The following ARPC1B variants were observed in gnomAD, a reference collection of about 807,000 sequenced individuals.
ARPC1B encodes actin related protein 2/3 complex subunit 1B, also known as actin-related protein 2/3 complex subunit 1B.
Under a neutral mutation model 46.0 loss-of-function variants are expected in ARPC1B, and 29 were observed. The ratio of observed to expected loss-of-function variants is 0.63; its 90% confidence interval spans 0.47 to 0.86. The LOEUF (loss-of-function observed/expected upper bound fraction) is 0.86. Ranked by LOEUF, ARPC1B falls within the 40% of genes least tolerant of loss-of-function variation. The probability of loss-of-function intolerance (pLI) is 0.00; values close to 1 mark genes in which losing one functional copy is unlikely to be tolerated. For synonymous variants in ARPC1B, 201 were observed against 213.9 expected, an observed-to-expected ratio of 0.94 and a Z score of 0.53; for missense variants, 469 against 529.4, an observed-to-expected ratio of 0.89 and a Z score of 1.12.
intron 1 of ARPC1B, among the ~76,000 whole-genome samples, chr7:99,381,239 C>G (rs1386060139): frequency 6.6e-6 from 1 of 152,202 alleles, no homozygotes; most frequent in Non-Finnish European, 1.5e-5. Flanking sequence ...TAAGGCTGCC[C>G]ACACGTGCAA....
chr7:99,385,280 C>T (rs1794350902), intron 1 of ARPC1B, among the ~76,000 whole-genome samples: 1 of 130,878 alleles, frequency 7.6e-6, no homozygotes, highest in Non-Finnish European at 1.6e-5. Context: ...TTCATCCCAT[C>T]CTTAATGGGG....
At position 99,392,735 on chromosome 7, in the gene ARPC1B, G is replaced by A; in HGVS notation, c.848G>A (p.Gly283Glu). 1 of 1,548,420 alleles carries A rather than the reference G, an allele frequency of 6.5e-7. No individual in the cohort carries two copies. The highest frequency in any genetic ancestry group is 8.7e-7 in the Non-Finnish European group (1 of 1,145,632). Residue 283 changes from glycine (G) to glutamate (E), a missense_variant, in exon 8 of 10, where the codon GGG becomes GAG. Coordinates refer to ENST00000646101, the MANE Select transcript of ARPC1B (RefSeq NM_005720.4). ...DAAAGMLSFG[G>E]RLDVPKQSSQ... ...GCCGCGGGGATGCTGAGCTTCGGCG[G>A]GCGGCTGGACGTTCCTAAGCAGAGC...
At chr7:99,392,899 C>T (rs1196891156) in intron 8 of ARPC1B, 23 bp downstream of exon 8, 2 of 1,519,420 alleles carry the variant, frequency 1.3e-6, no homozygotes, top group Middle Eastern at 1.8e-4. Context: ...GCCGGGCCGG[C>T]GGGTGGGCGG....
At chr7:99,393,077 G>A (rs1015050763) in intron 8 of ARPC1B, among the ~76,000 whole-genome samples, 1 of 152,102 alleles carries the variant, frequency 6.6e-6, no homozygotes, top group Non-Finnish European at 1.5e-5. Context: ...CGGACACGAG[G>A]GGACGGGGCC....
rs555649520 is a variant in ARPC1B at position 99,383,584 on chromosome 7, G to A, written c.-13-2118G>A. Among the ~76,000 whole-genome samples, 9 of 152,322 alleles carry A rather than the reference G, an allele frequency of 5.9e-5. No homozygotes were observed. The South Asian group carries it at 1.9e-3, about 32-fold the overall frequency. Reference sequence around the variant, plus strand: ...TGCTGAGAAAATTTAATCGGAAATAGGGAATTACGAAGTGCCGGACCGTGG... The same window carrying A: ...TGCTGAGAAAATTTAATCGGAAATAAGGAATTACGAAGTGCCGGACCGTGG... On this transcript the variant is annotated intron_variant, in intron 1 of 9. Transcript: ENST00000646101.
intron 1 of ARPC1B, chr7:99,384,055 C>T (rs1794305476): frequency 6.6e-6 from 1 of 152,406 alleles, no homozygotes; most frequent in African/African-American, 2.4e-5. Flanking sequence ...TTCCAGGTCC[C>T]TGTGATGCTG....
chr7:99,383,256 A>G (rs10249167), intron 1 of ARPC1B, among the ~76,000 whole-genome samples: 53,728 of 151,804 alleles, frequency 0.35, 16,167 homozygotes, highest in African/African-American at 0.82. Flanking sequence ...GAGCCTGGGA[A>G]GTCGAGGCTG....
At chr7:99,390,816 G>T in intron 5 of ARPC1B, 77 bp from the exon 6 acceptor site, 1 of 1,357,164 alleles carries the variant, frequency 7.4e-7, no homozygotes, top group Non-Finnish European at 1.0e-6. Context: ...TCCCGCCTCA[G>T]CCTCCTGAGT....
chr7:99,383,689 A>T (rs1794294349), intron 1 of ARPC1B, among the ~76,000 whole-genome samples: 1 of 152,192 alleles, frequency 6.6e-6, no homozygotes, highest in Non-Finnish European at 1.5e-5. Flanking sequence ...CCAGAGCGAG[A>T]GCCGTGTGTG....
In ARPC1B at chr7:99,394,779, TAAAAAAAAAAA is replaced by T. The variant is rs773085531; in HGVS notation, c.*302_*312del. On this transcript the variant is annotated 3_prime_UTR_variant, in exon 10 of 10. Coordinates refer to ENST00000646101, the MANE Select transcript of ARPC1B (RefSeq NM_005720.4). ...GTGGAGGTAATAAAATGCAACTGTG[TAAAAAAAAAAA>T]AAAAAAAAAAAGTAATTATGGACAT... 2 of 957,550 alleles carry T rather than the reference TAAAAAAAAAAA, an allele frequency of 2.1e-6. No homozygotes were observed. Among genetic ancestry groups the T allele is most frequent in the Non-Finnish European group, 2.5e-6 (2 of 809,052 alleles). 59.3% of individuals were successfully genotyped at this position (957,550 alleles called of 1,614,324 possible). A position where few individuals can be genotyped will look rare whatever the true frequency, so the allele number is the denominator to read the frequency against.
At chr7:99,392,603 C>T (rs1195007231) in intron 7 of ARPC1B, 68 bp from the exon 8 acceptor site, 2 of 1,388,344 alleles carry the variant, frequency 1.4e-6, no homozygotes, top group Non-Finnish European at 1.9e-6. Context: ...GCCAGACGCC[C>T]GCCTGGCCTT....
intron 7 of ARPC1B, 68 bp from the exon 8 acceptor site, chr7:99,392,603 C>G (rs1195007231): frequency 7.2e-7 from 1 of 1,388,226 alleles, no homozygotes; most frequent in African/African-American, 1.5e-5. Flanking sequence ...GCCAGACGCC[C>G]GCCTGGCCTT....
At chr7:99,380,421 C>A (rs1253530040) in intron 1 of ARPC1B, among the ~76,000 whole-genome samples, 1 of 152,130 alleles carries the variant, frequency 6.6e-6, no homozygotes, top group Non-Finnish European at 1.5e-5. Context: ...CTTAACACTT[C>A]TTTGCCCCAT....
intron 2 of ARPC1B, chr7:99,386,235 A>G (rs1314152827): frequency 2.8e-6 from 1 of 360,176 alleles, no homozygotes; most frequent in Non-Finnish European, 5.4e-6. Context: ...TGGGCAACAA[A>G]GCGAGACTCT....
chr7:99,384,893 G>A (rs1420867216), intron 1 of ARPC1B, among the ~76,000 whole-genome samples: 2 of 119,142 alleles, frequency 1.7e-5, no homozygotes, highest in African/African-American at 3.3e-5. Flanking sequence ...GATGAGTCTT[G>A]CTCTGTCACC....
intron 9 of ARPC1B, 145 bp from the exon 10 acceptor site, chr7:99,394,306 G>T: frequency 9.4e-7 from 1 of 1,060,154 alleles, no homozygotes. Context: ...CTTCAGGGCC[G>T]GGATTCCAAC....
intron 7 of ARPC1B, among the ~76,000 whole-genome samples, chr7:99,392,463 G>A (rs1388444974): frequency 6.6e-6 from 1 of 152,228 alleles, no homozygotes; most frequent in Admixed American, 6.5e-5. Flanking sequence ...CTCCCAGGGA[G>A]TCCCAACGCT....
chr7:99,383,736 A>C lies in ARPC1B; in HGVS notation c.-13-1966A>C, dbSNP rs546232901. ...GGGAAGAGTGTCACAGGCCTAGGGA[A>C]CAGCCAGCACGGAAGCCCGAGGCAG... On this transcript the variant is annotated intron_variant, in intron 1 of 9. Coordinates refer to ENST00000646101, the MANE Select transcript of ARPC1B (RefSeq NM_005720.4). Among the ~76,000 whole-genome samples, 257 of 152,318 alleles carry C rather than the reference A, an allele frequency of 1.7e-3. 5 individuals carry two copies. The South Asian group carries it at 0.04, about 24-fold the overall frequency.
intron 1 of ARPC1B, among the ~76,000 whole-genome samples, chr7:99,383,604 C>A (rs539288046): frequency 6.6e-6 from 1 of 152,176 alleles, no homozygotes; most frequent in Non-Finnish European, 1.5e-5. Flanking sequence ...AAGTGCCGGA[C>A]CGTGGAAGGT....
Sources: allele counts gnomAD v4.1 joint callset (sites outside exome capture counted in the v4.1 genomes callset), GRCh38; gene constraint gnomAD v4.1.1; transcripts MANE v1.5; gene names NCBI Gene and HGNC (gene_info 2026-07-23, HGNC 2026-07-21).